Variants in SH3RF3 observed in about 807,000 individuals in gnomAD.
The protein encoded by SH3RF3 is E3 ubiquitin-protein ligase SH3RF3.
Under a neutral mutation model 66.3 loss-of-function variants are expected in SH3RF3, and 29 were observed. The ratio of observed to expected loss-of-function variants is 0.44; its 90% CI spans 0.33 to 0.60. The LOEUF (loss-of-function observed/expected upper bound fraction) is 0.60, where lower values mean the gene tolerates loss of function less well. Ranked by LOEUF, SH3RF3 falls within the 20% of genes least tolerant of loss-of-function variation. The probability of loss-of-function intolerance (pLI) is 0.04; values close to 1 mark genes in which losing one functional copy is unlikely to be tolerated. For synonymous variants in SH3RF3, 583 were observed against 532.0 expected, an observed-to-expected ratio of 1.10 and a Z score of -1.32; for missense variants, 1,194 against 1,190.9, an observed-to-expected ratio of 1.00 and a Z score of -0.04.
intron 3 of SH3RF3, among the ~76,000 whole-genome samples, chr2:109,387,935 C>T (rs537298171): frequency 2.6e-4 from 40 of 152,190 alleles, no homozygotes; most frequent in African/African-American, 8.9e-4. Flanking sequence ...CCCACACTGG[C>T]CCAGATTCCC....
At chr2:109,293,351 C>G (rs941769157) in intron 1 of SH3RF3, among the ~76,000 whole-genome samples, 1 of 152,222 alleles carries the variant, frequency 6.6e-6, no homozygotes, top group Non-Finnish European at 1.5e-5. Flanking sequence ...TGTGTGTCAT[C>G]AGGGGCCAGA....
chr2:109,474,103 G>A (rs934107686), intron 8 of SH3RF3, among the ~76,000 whole-genome samples: 3 of 152,136 alleles, frequency 2.0e-5, no homozygotes, highest in Admixed American at 6.5e-5. Flanking sequence ...AGTCTGGGCC[G>A]GGCTGAGGAA....
intron 1 of SH3RF3, among the ~76,000 whole-genome samples, chr2:109,156,563 A>G (rs1677350660): frequency 6.6e-6 from 1 of 151,914 alleles, no homozygotes; most frequent in Non-Finnish European, 1.5e-5. Context: ...CTTCTGCCTC[A>G]GCCTTCTGAG....
chr2:109,325,282 A>AT (rs1682125580), intron 1 of SH3RF3, among the ~76,000 whole-genome samples: 1 of 145,760 alleles, frequency 6.9e-6, no homozygotes, highest in African/African-American at 2.5e-5. Flanking sequence ...GAATCCCAGG[A>AT]GTCATTGGAT....
chr2:109,286,669 CT>C (rs1681036663), intron 1 of SH3RF3, among the ~76,000 whole-genome samples: 1 of 152,286 alleles, frequency 6.6e-6, no homozygotes, highest in African/African-American at 2.4e-5. Context: ...TCTTTTCCCC[CT>C]GTTTGGCATA....
At chr2:109,313,151 G>A (rs971511633) in intron 1 of SH3RF3, among the ~76,000 whole-genome samples, 1 of 152,182 alleles carries the variant, frequency 6.6e-6, no homozygotes, top group African/African-American at 2.4e-5. Context: ...CTTCATCTGT[G>A]TGCATGGGCT....
At chr2:109,477,714 C>T (rs948075058) in intron 8 of SH3RF3, among the ~76,000 whole-genome samples, 3 of 152,044 alleles carry the variant, frequency 2.0e-5, no homozygotes, top group Admixed American at 1.3e-4. Flanking sequence ...ATCCAGACAC[C>T]ACAGATTCGG....
Position 109,479,290 on chromosome 2 carries a change from G to C in SH3RF3, c.2149-11315G>C, listed in dbSNP as rs76833653. Among the ~76,000 whole-genome samples, 523 of 152,014 alleles carry C rather than the reference G, an allele frequency of 3.4e-3. 17 individuals carry two copies. The East Asian group carries it at 0.06, about 18-fold the overall frequency. On this transcript the variant is annotated intron_variant, in intron 8 of 9. Coordinates refer to ENST00000309415, the MANE Select transcript of SH3RF3 (RefSeq NM_001099289.3). Reference sequence around the variant, plus strand: ...GGTGGGGACACGGTCCTGTGACTTAGTTAGGGGAGTGCCAAAGGCTTTTTG... The same window carrying C: ...GGTGGGGACACGGTCCTGTGACTTACTTAGGGGAGTGCCAAAGGCTTTTTG...
chr2:109,346,432 T>C (rs1682700300), intron 1 of SH3RF3, among the ~76,000 whole-genome samples: 1 of 152,224 alleles, frequency 6.6e-6, no homozygotes, highest in African/African-American at 2.4e-5. Context: ...GAAGAACTCC[T>C]TGGCATAGGC....
At chr2:109,443,148 G>A (rs908731673) in intron 7 of SH3RF3, among the ~76,000 whole-genome samples, 1 of 152,216 alleles carries the variant, frequency 6.6e-6, no homozygotes, top group Non-Finnish European at 1.5e-5. Flanking sequence ...GCATGGGTGT[G>A]TACACATATC....
intron 1 of SH3RF3, among the ~76,000 whole-genome samples, chr2:109,262,044 G>A (rs1680369692): frequency 6.6e-6 from 1 of 152,146 alleles, no homozygotes; most frequent in African/African-American, 2.4e-5. Flanking sequence ...TCGGTGGCCC[G>A]GCTGCTGATG....
intron 1 of SH3RF3, among the ~76,000 whole-genome samples, chr2:109,302,257 T>TA (rs1559011522): frequency 7.0e-6 from 1 of 143,610 alleles, no homozygotes; most frequent in Admixed American, 7.5e-5. Context: ...CAGTTTGACA[T>TA]ACCTGAATCC....
intron 8 of SH3RF3, among the ~76,000 whole-genome samples, chr2:109,490,229 T>A (rs951730887): frequency 1.3e-5 from 2 of 152,192 alleles, no homozygotes; most frequent in Non-Finnish European, 2.9e-5. Context: ...ATAGAAATAA[T>A]GTCAGTCTTC....
At chr2:109,435,461 C>A (rs893960391) in intron 6 of SH3RF3, among the ~76,000 whole-genome samples, 10 of 152,212 alleles carry the variant, frequency 6.6e-5, no homozygotes, top group African/African-American at 2.4e-4. Context: ...CTGTGTTTGC[C>A]CCCATCGTGC....
At chr2:109,226,008 A>T (rs1229704033) in intron 1 of SH3RF3, among the ~76,000 whole-genome samples, 2 of 152,258 alleles carry the variant, frequency 1.3e-5, no homozygotes, top group Non-Finnish European at 2.9e-5. Context: ...TACCATTTTA[A>T]TATTAGAGTA....
chr2:109,467,739 C>T (rs1226736808), intron 8 of SH3RF3, among the ~76,000 whole-genome samples: 1 of 152,220 alleles, frequency 6.6e-6, no homozygotes, highest in Non-Finnish European at 1.5e-5. Context: ...TGAAGCAGCT[C>T]CTCTCTGATT....
In SH3RF3 at chr2:109,398,615, T is replaced by A; in HGVS notation, c.971T>A (p.Ile324Asn). 6.3e-7 allele frequency: 1 copy of A among 1,584,122 alleles called. No individual in the cohort carries two copies. The highest frequency in any genetic ancestry group is 8.6e-7 in the Non-Finnish European group (1 of 1,166,498). ...CTCAATGACTCCGCCAAGCAGCTCA[T>A]TGAGATGGACAAGCCATGCCCAGCC... ...VELNDSAKQL[I>N]EMDKPCPAAA... is the part of the protein sequence containing the mutation. The change falls in exon 4 of 10, where the codon ATT becomes AAT. Residue 324 changes from isoleucine to asparagine, a missense_variant. Transcript: ENST00000309415.
intron 9 of SH3RF3, 131 bp downstream of exon 9, chr2:109,491,067 A>C (rs1027229300): frequency 8.4e-6 from 7 of 829,078 alleles, no homozygotes; most frequent in African/African-American, 5.2e-5. Context: ...CAACACCCAG[A>C]TCCACATGGT....
At chr2:109,501,449 C>G in intron 9 of SH3RF3, 54 bp from the exon 10 acceptor site, 1 of 731,462 alleles carries the variant, frequency 1.4e-6, no homozygotes, top group Non-Finnish European at 2.6e-6. Context: ...GAAAGCACGA[C>G]CCAGCAGATG....
Sources: allele counts gnomAD v4.1 joint callset (sites outside exome capture counted in the v4.1 genomes callset), GRCh38; gene constraint gnomAD v4.1.1; transcripts MANE v1.5; gene names NCBI Gene and HGNC (gene_info 2026-07-23, HGNC 2026-07-21).